The following PI4KA variants were observed in gnomAD, a reference collection of about 807,000 sequenced individuals.
The protein encoded by PI4KA is phosphatidylinositol 4-kinase alpha.
In PI4KA, 122 loss-of-function variants were observed where a neutral mutation model predicts 271.4. That is an observed-to-expected ratio of 0.45 (90% CI 0.39 to 0.52). The LOEUF (loss-of-function observed/expected upper bound fraction) is 0.52. Among genes scored for constraint, PI4KA ranks in the 20% least tolerant of loss-of-function variants. The pLI is 0.00. For synonymous variants in PI4KA, 1,041 were observed against 1,078.8 expected (o/e 0.96, Z 0.69); for missense variants, 1,969 against 2,769.1 (o/e 0.71, Z 6.48).
rs375078662 is a variant in PI4KA at position 20,788,608 on chromosome 22, C to T, written c.2328+4585G>A. Reference sequence around the variant, plus strand: ...CCTGACTTCCCACACTGGGCTCTGCCTCCTTACTCTGCTGAGAGCAGATGG... The same window carrying T: ...CCTGACTTCCCACACTGGGCTCTGCTTCCTTACTCTGCTGAGAGCAGATGG... On this transcript the variant is annotated intron_variant, in intron 19 of 54. Coordinates refer to ENST00000255882, the MANE Select transcript of PI4KA (RefSeq NM_058004.4). Among the ~76,000 whole-genome samples the T allele has an allele frequency of 1.1e-4, 16 of 152,368 alleles. No homozygotes were observed. In the South Asian group the frequency reaches 2.9e-3, roughly 28 times the overall value.
intron 1 of PI4KA, among the ~76,000 whole-genome samples, chr22:20,847,423 A>T (rs1169054079): frequency 6.6e-6 from 1 of 152,166 alleles, no homozygotes; most frequent in Non-Finnish European, 1.5e-5. Context: ...TCTAAAAAAA[A>T]TTTTAGAAAT....
chr22:20,751,761 C>G lies in PI4KA; in HGVS notation c.2988-6G>C. 1 of 1,613,658 alleles carries G rather than the reference C, an allele frequency of 6.2e-7. No individual in the cohort carries two copies. The highest frequency in any genetic ancestry group is 2.2e-5 in the East Asian group (1 of 44,868). On this transcript the variant is annotated splice_polypyrimidine_tract_variant and splice_region_variant and intron_variant, in intron 25 of 54. Transcript: ENST00000255882. ...TCCAGAGCAAGTGGGGAAACCTGCA[C>G]CAAGAGCCAGCTCTCAGGACCAAGA...
intron 36 of PI4KA, 66 bp downstream of exon 36, chr22:20,732,905 G>T: frequency 1.3e-6 from 2 of 1,599,390 alleles, no homozygotes; most frequent in Non-Finnish European, 1.7e-6. Flanking sequence ...GCACCCTCGG[G>T]GCAGCCCACG....
chr22:20,710,040 G>A, intron 52 of PI4KA, 43 bp from the exon 53 acceptor site: 1 of 1,243,182 alleles, frequency 8.0e-7, no homozygotes, highest in South Asian at 1.2e-5. Flanking sequence ...GGCCAGCCTA[G>A]GTGGTGGCCC....
At chr22:20,717,905 C>A in intron 44 of PI4KA, 127 bp from the exon 45 acceptor site, 1 of 674,492 alleles carries the variant, frequency 1.5e-6, no homozygotes. Flanking sequence ...CTGCTCCTAG[C>A]GCAGCCAGGC....
chr22:20,858,546 C>G (rs556757297), intron 1 of PI4KA, 24 bp downstream of exon 1: 2 of 1,354,484 alleles, frequency 1.5e-6, no homozygotes, highest in East Asian at 3.1e-5. Context: ...CCTGTCAGCC[C>G]GCGGCCCAGC....
chr22:20,779,352 A>T (rs1306898008), intron 19 of PI4KA: 1 of 1,614,184 alleles, frequency 6.2e-7, no homozygotes, highest in Non-Finnish European at 8.5e-7. Context: ...TTTCCTCATC[A>T]TAACATCTGC....
intron 1 of PI4KA, among the ~76,000 whole-genome samples, chr22:20,853,362 G>A (rs1927220057): frequency 6.6e-6 from 1 of 152,140 alleles, no homozygotes; most frequent in South Asian, 2.1e-4. Flanking sequence ...ACCAGGCAGG[G>A]CCAGGAGGAA....
At chr22:20,768,597 T>A (rs1486243078) in intron 19 of PI4KA, among the ~76,000 whole-genome samples, 1 of 152,204 alleles carries the variant, frequency 6.6e-6, no homozygotes, top group Non-Finnish European at 1.5e-5. Context: ...AGCTCTTCCA[T>A]CAACATGTTC....
intron 15 of PI4KA, 95 bp from the exon 16 acceptor site, chr22:20,799,371 A>C (rs188759182): frequency 2.9e-5 from 34 of 1,185,272 alleles, no homozygotes; most frequent in Non-Finnish European, 3.4e-5. Flanking sequence ...CCTTAATTTC[A>C]TAACAGTCTT....
At position 20,790,703 on chromosome 22, in the gene PI4KA, C is replaced by A. The variant is rs1281166614; in HGVS notation, c.2328+2490G>T. 1.9e-4 allele frequency among the ~76,000 whole-genome samples: 8 copies of A among 41,156 alleles called. No homozygotes were observed. The East Asian group carries it at 5.8e-3, about 30-fold the overall frequency. 27.0% of individuals were successfully genotyped at this position (41,156 alleles called of 152,430 possible). On this transcript the variant is annotated intron_variant, in intron 19 of 54. Transcript: ENST00000255882. Reference sequence around the variant, plus strand: ...TAAAAAAATTTAAAAAAAACAAACACACACACACACACACACACACACACA... The same window carrying A: ...TAAAAAAATTTAAAAAAAACAAACAAACACACACACACACACACACACACA...
intron 6 of PI4KA, 89 bp downstream of exon 6, chr22:20,819,552 A>T: frequency 8.3e-7 from 1 of 1,208,058 alleles, no homozygotes; most frequent in Non-Finnish European, 1.2e-6. Context: ...ACTTAAGTTT[A>T]CTCCAACTAC....
At chr22:20,752,825 G>C in intron 25 of PI4KA, 78 bp downstream of exon 25, 4 of 1,458,766 alleles carry the variant, frequency 2.7e-6, no homozygotes, top group Non-Finnish European at 3.8e-6. Flanking sequence ...AATAATATAA[G>C]GATGATTTTT....
Position 20,721,323 on chromosome 22 carries a change from T to C in PI4KA, c.5091A>G (p.Leu1697=), listed in dbSNP as rs759336127. ...FIWNMKTNIY[L]DEEGHQKDPD... is the part of the protein sequence containing the mutation. ...GGTCTTTCTGGTGGCCCTCTTCATC[T>C]AGATAAATGTTAGTCTTCATGTTCC... The change falls in exon 43 of 55, where the codon CTA becomes CTG. Residue 1697 remains leucine, a synonymous_variant. Coordinates refer to ENST00000255882, the MANE Select transcript of PI4KA (RefSeq NM_058004.4). 4.2e-5 allele frequency: 67 copies of C among 1,613,924 alleles called. No individual in the cohort carries two copies. The highest frequency in any genetic ancestry group is 5.3e-5 in the Non-Finnish European group (63 of 1,179,976).
chr22:20,849,306 C>A (rs1251902138), intron 1 of PI4KA, among the ~76,000 whole-genome samples: 1 of 152,104 alleles, frequency 6.6e-6, no homozygotes, highest in African/African-American at 2.4e-5. Flanking sequence ...AAGGTTAAAC[C>A]TAGAGTTATT....
chr22:20,742,554 G>A, intron 31 of PI4KA, 54 bp downstream of exon 31: 1 of 1,601,184 alleles, frequency 6.2e-7, no homozygotes, highest in Non-Finnish European at 8.6e-7. Flanking sequence ...GGTCATCAAG[G>A]CCAGCATTCA....
chr22:20,817,339 G>A (rs776908796), intron 7 of PI4KA, among the ~76,000 whole-genome samples: 3 of 152,118 alleles, frequency 2.0e-5, no homozygotes, highest in Non-Finnish European at 2.9e-5. Context: ...ATCAAGTAAG[G>A]TAGAAATAAT....
intron 42 of PI4KA, among the ~76,000 whole-genome samples, chr22:20,724,233 A>C (rs909693877): frequency 1.3e-5 from 2 of 151,106 alleles, no homozygotes; most frequent in African/African-American, 4.9e-5. Flanking sequence ...TGAACCTGGG[A>C]GGCAGAGGTT....
At chr22:20,831,449 C>G (rs999386395) in intron 3 of PI4KA, among the ~76,000 whole-genome samples, 1 of 151,892 alleles carries the variant, frequency 6.6e-6, no homozygotes, top group African/African-American at 2.4e-5. Flanking sequence ...TGCCTGTAGT[C>G]CCCAGTTACT....
Sources: gnomAD v4.1 joint callset for allele counts (sites outside exome capture counted in the v4.1 genomes callset) on GRCh38, gnomAD v4.1.1 for gene constraint, MANE v1.5 for transcripts, NCBI Gene and HGNC (gene_info 2026-07-23, HGNC 2026-07-21) for gene names.